The following UTRN variants were observed in gnomAD, a reference collection of about 807,000 sequenced individuals.
UTRN encodes the protein dystrophin-related protein 1.
UTRN carries 283 observed loss-of-function variants against 463.9 expected under a neutral mutation model. That is an observed-to-expected ratio of 0.61 (90% CI 0.55 to 0.67). The LOEUF (loss-of-function observed/expected upper bound fraction) is 0.67. Among genes scored for constraint, UTRN ranks in the 30% least tolerant of loss-of-function variants. The pLI is 0.00. For missense variants in UTRN, 3,922 were observed against 4,084.3 expected, an observed-to-expected ratio of 0.96 and a Z score of 1.08; for synonymous variants, 1,442 against 1,431.5, an observed-to-expected ratio of 1.01 and a Z score of -0.17.
intron 57 of UTRN, among the ~76,000 whole-genome samples, chr6:144,755,581 G>A (rs1011242021): frequency 2.6e-5 from 4 of 152,074 alleles, no homozygotes; most frequent in Non-Finnish European, 5.9e-5. Context: ...CAATGACAAG[G>A]CATATCGAAT....
intron 2 of UTRN, among the ~76,000 whole-genome samples, chr6:144,335,536 A>G (rs1776650118): frequency 6.6e-6 from 1 of 152,138 alleles, no homozygotes; most frequent in South Asian, 2.1e-4. Flanking sequence ...AGGCAATGAT[A>G]TGGCAGGTCC....
intron 23 of UTRN, among the ~76,000 whole-genome samples, chr6:144,471,057 A>AGGGGGGGGAGGGGGG (rs1454781033): frequency 3.3e-3 from 70 of 21,446 alleles, no homozygotes; most frequent in Admixed American, 5.3e-3. Context: ...AGGGAGGGGG[A>AGGGGGGGGAGGGGGG]GAGGGAGGGG....
chr6:144,398,629 T>G (rs6570627), intron 2 of UTRN: 21,570 of 163,082 alleles, frequency 0.13, 4,278 homozygotes, highest in African/African-American at 0.44. Flanking sequence ...AAGAACAGCT[T>G]GTGAGAGCAT....
At chr6:144,457,843 A>G (rs532528180) in intron 19 of UTRN, among the ~76,000 whole-genome samples, 17 of 152,266 alleles carry the variant, frequency 1.1e-4, no homozygotes, top group South Asian at 2.1e-4. Flanking sequence ...ATATATGTTT[A>G]TAAAGCAGGA....
intron 53 of UTRN, among the ~76,000 whole-genome samples, chr6:144,706,071 G>A (rs1303677426): frequency 3.3e-5 from 5 of 151,882 alleles, no homozygotes. Flanking sequence ...TTTAACCTTA[G>A]CCTTGCATCC....
At position 144,789,246 on chromosome 6, in the gene UTRN, C is replaced by G; in HGVS notation, c.8887C>G (p.Leu2963Val). 6.2e-7 allele frequency: 1 copy of G among 1,613,472 alleles called. No homozygotes were observed. The highest frequency in any genetic ancestry group is 8.5e-7 in the Non-Finnish European group (1 of 1,179,722). Residue 2963 changes from leucine to valine, a missense_variant, in exon 62 of 75, where the codon CTC becomes GTC. Coordinates refer to ENST00000367545, the MANE Select transcript of UTRN (RefSeq NM_007124.3). Reference protein sequence around the residue: ...VQSLKIGLMSLSKGLLEEKYR... With the variant: ...VQSLKIGLMSVSKGLLEEKYR... ...GAGTCTGAAGATTGGATTAATGTCTCTCTCCAAAGGTCTCTTGGAAGAAAA... is the reference window on the plus strand; with the variant it reads ...GAGTCTGAAGATTGGATTAATGTCTGTCTCCAAAGGTCTCTTGGAAGAAAA...
At chr6:144,846,979 T>A (rs1377046262) in intron 74 of UTRN, 152 bp downstream of exon 74, 4 of 1,189,088 alleles carry the variant, frequency 3.4e-6, no homozygotes, top group Admixed American at 2.2e-5. Context: ...TACAACAGTT[T>A]GTCAGTCTGG....
At chr6:144,541,851 A>C (rs1163607364) in intron 45 of UTRN, among the ~76,000 whole-genome samples, 1 of 152,172 alleles carries the variant, frequency 6.6e-6, no homozygotes, top group Non-Finnish European at 1.5e-5. Flanking sequence ...AAGGATGAAT[A>C]AGTATTGGTC....
chr6:144,733,722 A>G (rs1789036116), intron 54 of UTRN, among the ~76,000 whole-genome samples: 1 of 152,134 alleles, frequency 6.6e-6, no homozygotes, highest in African/African-American at 2.4e-5. Context: ...TCCTTCATAT[A>G]CAATATTAGA....
intron 2 of UTRN, among the ~76,000 whole-genome samples, chr6:144,378,358 A>G (rs1476353399): frequency 6.6e-6 from 1 of 152,252 alleles, no homozygotes; most frequent in Non-Finnish European, 1.5e-5. Context: ...TATACTATAG[A>G]GATCAAAGTT....
chr6:144,421,648 C>A (rs1414396795), intron 3 of UTRN, among the ~76,000 whole-genome samples: 1 of 151,694 alleles, frequency 6.6e-6, no homozygotes, highest in Non-Finnish European at 1.5e-5. Flanking sequence ...GAGATCACTC[C>A]ACTGCACTCC....
intron 41 of UTRN, among the ~76,000 whole-genome samples, chr6:144,523,521 G>T (rs1325254743): frequency 2.0e-5 from 3 of 152,130 alleles, no homozygotes; most frequent in Non-Finnish European, 2.9e-5. Flanking sequence ...TGTTGGCCAG[G>T]CTGGTATTGA....
At chr6:144,525,791 CT>C (rs1238836670) in intron 41 of UTRN, among the ~76,000 whole-genome samples, 1 of 151,628 alleles carries the variant, frequency 6.6e-6, no homozygotes, top group African/African-American at 2.4e-5. Context: ...TATTTGTGCT[CT>C]TTTAGACTCT....
rs1240958438 is a variant in UTRN, at chr6:144,771,933, A to G, written c.8522A>G (p.Asp2841Gly). Reference sequence around the variant, plus strand: ...CATCAAACACAGACCACCTGTTGGGACCATCCTAAAATGACCGAACTCTTT... The same window carrying G: ...CATCAAACACAGACCACCTGTTGGGGCCATCCTAAAATGACCGAACTCTTT... ...INHQTQTTCW[D>G]HPKMTELFQS... The change falls in exon 59 of 75, where the codon GAC becomes GGC. Residue 2841 changes from aspartate to glycine, a missense_variant. By Grantham distance (94) the Asp-to-Gly change is moderately conservative. Around this residue, in one of 3 missense-constraint regions of UTRN, gnomAD observed 1,309 missense variants for 1,452.6 expected, o/e 0.90. Transcript: ENST00000367545. 6.3e-7 allele frequency: 1 copy of G among 1,586,024 alleles called. No individual in the cohort carries two copies.
chr6:144,462,931 T>G (rs1288944407), intron 23 of UTRN, 65 bp downstream of exon 23: 1 of 1,235,726 alleles, frequency 8.1e-7, no homozygotes, highest in Non-Finnish European at 1.1e-6. Flanking sequence ...TCTTATAAGA[T>G]TCACGTATTT....
rs181832298 is a variant in UTRN at position 144,337,906 on chromosome 6, C to T, written c.79+45999C>T. Among the ~76,000 whole-genome samples the T allele has an allele frequency of 3.9e-4, 60 of 152,326 alleles. 1 individual carries two copies. The Middle Eastern group carries it at 0.017, about 43-fold the overall frequency. On this transcript the variant is annotated intron_variant, in intron 2 of 74. Coordinates refer to ENST00000367545, the MANE Select transcript of UTRN (RefSeq NM_007124.3). Reference sequence around the variant, plus strand: ...CTGGGATTATAGGCATGAGCCATTGCGCCCAGCCTGGAATATTTTCTAAGC... The same window carrying T: ...CTGGGATTATAGGCATGAGCCATTGTGCCCAGCCTGGAATATTTTCTAAGC...
At chr6:144,824,335 G>A (rs1325347855) in intron 66 of UTRN, among the ~76,000 whole-genome samples, 1 of 150,930 alleles carries the variant, frequency 6.6e-6, no homozygotes, top group Non-Finnish European at 1.5e-5. Context: ...ACAAGGAAGA[G>A]TCTAATGACA....
At chr6:144,485,337 G>A (rs780434926) in intron 27 of UTRN, 48 bp from the exon 28 acceptor site, 12 of 1,610,968 alleles carry the variant, frequency 7.4e-6, no homozygotes, top group African/African-American at 1.3e-5. Context: ...CTAGAGATAC[G>A]ATGTGTGAAA....
At chr6:144,478,804 G>C (rs1165238479) in intron 25 of UTRN, among the ~76,000 whole-genome samples, 1 of 152,142 alleles carries the variant, frequency 6.6e-6, no homozygotes, top group Non-Finnish European at 1.5e-5. Context: ...ACTGCAGAAC[G>C]GCGCCTTCTC....
Sources: allele counts gnomAD v4.1 joint callset (sites outside exome capture counted in the v4.1 genomes callset), GRCh38; gene constraint gnomAD v4.1.1; regional missense constraint gnomAD v4.1.1; transcripts MANE v1.5; gene names NCBI Gene and HGNC (gene_info 2026-07-23, HGNC 2026-07-21).